KHDRBS2: variants seen among roughly 807,000 people sequenced by gnomAD.
KHDRBS2 encodes the protein KH RNA binding domain containing, signal transduction associated 2.
KHDRBS2 carries 26 observed loss-of-function variants against 44.3 expected under a neutral mutation model. That is an observed-to-expected ratio of 0.59 (90% confidence interval 0.43 to 0.81). The LOEUF (loss-of-function observed/expected upper bound fraction) is 0.81. Among genes scored for constraint, KHDRBS2 ranks in the 40% least tolerant of loss-of-function variants. KHDRBS2 has a pLI of 0.00. For missense variants in KHDRBS2, 476 were observed against 433.1 expected, an observed-to-expected ratio of 1.10 and a Z score of -0.88; for synonymous variants, 194 against 151.1, an observed-to-expected ratio of 1.28 and a Z score of -2.08.
chr6:62,052,726 T>G (rs1447602452), intron 2 of KHDRBS2, among the ~76,000 whole-genome samples: 2 of 152,020 alleles, frequency 1.3e-5, no homozygotes, highest in Non-Finnish European at 2.9e-5. Flanking sequence ...CCAGATCGCT[T>G]GCATGTGCAG....
At chr6:61,653,709 C>G in the KHDRBS2 span, among the ~76,000 whole-genome samples, 1 of 151,956 alleles carries the variant, frequency 6.6e-6, no homozygotes, top group Non-Finnish European at 1.5e-5. Context: ...GCTTCCCAGA[C>G]AGTGACTGGG....
chr6:61,846,839 G>A (rs1794486647), intron 6 of KHDRBS2, among the ~76,000 whole-genome samples: 1 of 151,424 alleles, frequency 6.6e-6, no homozygotes, highest in South Asian at 2.1e-4. Context: ...TTAATTTATT[G>A]CTTAAAAAGT....
the KHDRBS2 span, among the ~76,000 whole-genome samples, chr6:61,576,987 T>C: frequency 1.3e-5 from 2 of 152,178 alleles, no homozygotes; most frequent in African/African-American, 4.8e-5. Context: ...TTATAGATCA[T>C]GTCTAGTTTT....
chr6:62,097,859 G>C lies in KHDRBS2; in HGVS notation c.220-49865C>G, dbSNP rs531827760. Among the ~76,000 whole-genome samples, 13 of 152,128 alleles carry C rather than the reference G, an allele frequency of 8.5e-5. No individual in the cohort carries two copies. The South Asian group carries it at 2.5e-3, about 29-fold the overall frequency. On this transcript the variant is annotated intron_variant, in intron 2 of 8. Coordinates refer to ENST00000281156, the MANE Select transcript of KHDRBS2 (RefSeq NM_152688.4). The stretch of plus-strand genomic sequence containing the variant: ...TGGTTAGGTGATTTTCTCCAGCGAT[G>C]TGTTTGCTTTTTATTTTTAGTGTAT...
chr6:62,155,803 G>C (rs1816238573), intron 2 of KHDRBS2, among the ~76,000 whole-genome samples: 1 of 152,156 alleles, frequency 6.6e-6, no homozygotes, highest in Non-Finnish European at 1.5e-5. Flanking sequence ...GTTCACATAA[G>C]TCATTTACAT....
intron 3 of KHDRBS2, among the ~76,000 whole-genome samples, chr6:62,005,208 CT>C (rs1778992418): frequency 6.6e-6 from 1 of 151,958 alleles, no homozygotes; most frequent in Non-Finnish European, 1.5e-5. Context: ...ACTCCTCTTC[CT>C]CATCAGCAAA....
chr6:61,716,222 A>T (rs1445306467), intron 7 of KHDRBS2, among the ~76,000 whole-genome samples: 1 of 151,976 alleles, frequency 6.6e-6, no homozygotes, highest in Non-Finnish European at 1.5e-5. Context: ...TCCATGCAGC[A>T]GTGCTAATTA....
chr6:61,745,796 T>A (rs950193970), intron 6 of KHDRBS2, among the ~76,000 whole-genome samples: 9 of 152,094 alleles, frequency 5.9e-5, no homozygotes, highest in Non-Finnish European at 8.8e-5. Context: ...CACGGCCAAT[T>A]ATTTATATAG....
intron 6 of KHDRBS2, among the ~76,000 whole-genome samples, chr6:61,834,121 GA>G (rs1285186718): frequency 1.3e-5 from 2 of 151,846 alleles, no homozygotes; most frequent in Non-Finnish European, 2.9e-5. Flanking sequence ...TTAATCTCAG[GA>G]GTATTTGTTT....
intron 1 of KHDRBS2, among the ~76,000 whole-genome samples, chr6:62,211,729 A>G (rs772707921): frequency 2.0e-5 from 3 of 152,210 alleles, no homozygotes; most frequent in Non-Finnish European, 4.4e-5. Flanking sequence ...TAGTTCAACC[A>G]TTGTGGAAGA....
At chr6:62,274,272 T>C (rs915018714) in intron 1 of KHDRBS2, among the ~76,000 whole-genome samples, 69 of 152,320 alleles carry the variant, frequency 4.5e-4, no homozygotes, top group African/African-American at 1.6e-3. Flanking sequence ...GAACTGTTGC[T>C]GTAGCTACCT....
downstream of KHDRBS2, among the ~76,000 whole-genome samples, chr6:61,678,498 C>G (rs1766070529): frequency 6.6e-6 from 1 of 151,926 alleles, no homozygotes; most frequent in Non-Finnish European, 1.5e-5. Flanking sequence ...TGGTCAGGGA[C>G]TACCCTGTCC....
At chr6:61,848,523 A>AAG (rs1408778899) in intron 6 of KHDRBS2, among the ~76,000 whole-genome samples, 1 of 57,976 alleles carries the variant, frequency 1.7e-5, no homozygotes. Flanking sequence ...ATATATGTAT[A>AAG]TATATATACA....
chr6:61,913,286 TACC>T (rs1806382625), intron 4 of KHDRBS2, among the ~76,000 whole-genome samples: 1 of 152,042 alleles, frequency 6.6e-6, no homozygotes, highest in African/African-American at 2.4e-5. Context: ...ATCTAGATAC[TACC>T]CACAATGCTC....
At chr6:61,803,055 A>G (rs1274949004) in intron 6 of KHDRBS2, among the ~76,000 whole-genome samples, 3 of 152,190 alleles carry the variant, frequency 2.0e-5, no homozygotes, top group Non-Finnish European at 4.4e-5. Context: ...AACCACATGG[A>G]TTTAGTTTAA....
chr6:61,795,014 C>T (rs1785112034), intron 6 of KHDRBS2, among the ~76,000 whole-genome samples: 1 of 151,622 alleles, frequency 6.6e-6, no homozygotes, highest in South Asian at 2.1e-4. Context: ...TGGTGGATAC[C>T]TGTAATCCTA....
At chr6:61,802,471 G>A (rs1786435923) in intron 6 of KHDRBS2, among the ~76,000 whole-genome samples, 2 of 152,120 alleles carry the variant, frequency 1.3e-5, no homozygotes, top group African/African-American at 4.8e-5. Context: ...GCAAAACACA[G>A]CACTATTGTG....
At chr6:62,062,479 C>T (rs1043597472) in intron 2 of KHDRBS2, among the ~76,000 whole-genome samples, 1 of 151,920 alleles carries the variant, frequency 6.6e-6, no homozygotes, top group African/African-American at 2.4e-5. Flanking sequence ...GAATCTCACT[C>T]AAAGCCGCTC....
chr6:62,163,901 G>A (rs902644065), intron 2 of KHDRBS2, among the ~76,000 whole-genome samples: 1 of 151,858 alleles, frequency 6.6e-6, no homozygotes, highest in Non-Finnish European at 1.5e-5. Context: ...ATTCTCTTAA[G>A]TGTGAGGTCC....
Sources: gnomAD v4.1 joint callset for allele counts (sites outside exome capture counted in the v4.1 genomes callset) on GRCh38, gnomAD v4.1.1 for gene constraint, MANE v1.5 for transcripts, NCBI Gene and HGNC (gene_info 2026-07-23, HGNC 2026-07-21) for gene names.